PLCL1: variants seen among roughly 807,000 people sequenced by gnomAD.
The protein encoded by PLCL1 is inactive phospholipase C-like protein 1.
In PLCL1, 41 loss-of-function variants were observed where a neutral mutation model predicts 84.4. The observed-to-expected ratio is 0.49, with a 90% confidence interval of 0.38 to 0.63. The LOEUF (loss-of-function observed/expected upper bound fraction) is 0.63, where lower values mean the gene tolerates loss of function less well. Among genes scored for constraint, PLCL1 ranks in the 30% least tolerant of loss-of-function variants. The pLI, the probability that PLCL1 is intolerant of heterozygous loss-of-function variation, is 0.00. For missense variants in PLCL1, 1,206 were observed against 1,367.8 expected (o/e 0.88, Z 1.87); for synonymous variants, 490 against 488.3 (o/e 1.00, Z -0.05).
chr2:197,861,076 C>G (rs1404072627), intron 1 of PLCL1, among the ~76,000 whole-genome samples: 1 of 152,140 alleles, frequency 6.6e-6, no homozygotes, highest in Non-Finnish European at 1.5e-5. Context: ...TGATAAGCGT[C>G]TCTTTGTTTG....
chr2:198,068,121 T>C (rs1021933785), intron 1 of PLCL1, among the ~76,000 whole-genome samples: 2 of 152,206 alleles, frequency 1.3e-5, no homozygotes, highest in Non-Finnish European at 2.9e-5. Context: ...AGAGATTAAT[T>C]AGAGCTCAGT....
At chr2:198,117,003 G>T (rs956782566) in intron 5 of PLCL1, among the ~76,000 whole-genome samples, 2 of 151,748 alleles carry the variant, frequency 1.3e-5, no homozygotes, top group African/African-American at 2.4e-5. Flanking sequence ...TCTCTCAGAG[G>T]GATTCCTTAA....
chr2:198,080,496 C>T (rs1018639833), intron 1 of PLCL1, among the ~76,000 whole-genome samples: 1 of 152,092 alleles, frequency 6.6e-6, no homozygotes, highest in Admixed American at 6.6e-5. Context: ...GAGTCGTCCA[C>T]CCTTCAGTCC....
At chr2:197,857,968 C>G (rs529192317) in intron 1 of PLCL1, among the ~76,000 whole-genome samples, 1 of 152,144 alleles carries the variant, frequency 6.6e-6, no homozygotes, top group East Asian at 1.9e-4. Context: ...TTCATCTAAT[C>G]AGAGAAATGG....
chr2:198,006,515 C>T (rs933709842), intron 1 of PLCL1, among the ~76,000 whole-genome samples: 4 of 152,136 alleles, frequency 2.6e-5, no homozygotes, highest in African/African-American at 7.2e-5. Flanking sequence ...TGCCTCATTT[C>T]CCCCATGTTT....
Position 198,084,860 on chromosome 2 carries a change from A to G in PLCL1, c.1343A>G (p.Asp448Gly). ...GCRSVELDVS[D>G]GSDNEPILCN... ...CGAAGCGTTGAACTCGATGTAAGTG[A>G]TGGTTCAGATAATGAACCAATCCTT... Residue 448 changes from aspartate to glycine, a missense_variant, in exon 2 of 6, where the codon GAT becomes GGT. Coordinates refer to ENST00000428675, the MANE Select transcript of PLCL1 (RefSeq NM_006226.4). The G allele has an allele frequency of 6.2e-7, 1 of 1,614,034 alleles. No homozygotes were observed. Among genetic ancestry groups the G allele is most frequent in the East Asian group, 2.2e-5 (1 of 44,884 alleles).
chr2:197,833,954 G>C (rs965960405), intron 1 of PLCL1, among the ~76,000 whole-genome samples: 1 of 152,124 alleles, frequency 6.6e-6, no homozygotes, highest in Non-Finnish European at 1.5e-5. Context: ...CATGGTACTG[G>C]TACCAAAACA....
Position 198,124,049 on chromosome 2 carries a change from G to A in PLCL1, c.3105+20113G>A, listed in dbSNP as rs528390749. Among the ~76,000 whole-genome samples the A allele has an allele frequency of 5.3e-5, 8 of 152,196 alleles. No homozygotes were observed. The East Asian group carries it at 1.2e-3, about 22-fold the overall frequency. On this transcript the variant is annotated intron_variant, in intron 5 of 5. Transcript: ENST00000428675. ...AGGGACCTAGGAGGAGAAAGCTAAC[G>A]TTTGAGTTTCCTAGTGCAAAACTCA...
intron 5 of PLCL1, among the ~76,000 whole-genome samples, chr2:198,108,320 T>A (rs1488730702): frequency 6.6e-6 from 1 of 152,008 alleles, no homozygotes; most frequent in African/African-American, 2.4e-5. Context: ...ATACATGATT[T>A]AGACTAGTAT....
In PLCL1 at chr2:197,894,251, G is replaced by A. The variant is rs1443969686; in HGVS notation, c.240+88912G>A. The stretch of plus-strand genomic sequence containing the variant: ...AAGTAGAGGCAGGCAAGGGAGACAG[G>A]TGGTTGACAATAGGTGTTGAGTGAG... On this transcript the variant is annotated intron_variant, in intron 1 of 5. Coordinates refer to ENST00000428675, the MANE Select transcript of PLCL1 (RefSeq NM_006226.4). 1.3e-5 allele frequency among the ~76,000 whole-genome samples: 2 copies of A among 151,960 alleles called. 1 individual carries two copies. The highest frequency in any genetic ancestry group is 2.9e-5 in the Non-Finnish European group (2 of 67,960).
At chr2:198,051,175 A>C (rs1283943326) in intron 1 of PLCL1, among the ~76,000 whole-genome samples, 2 of 152,324 alleles carry the variant, frequency 1.3e-5, no homozygotes, top group South Asian at 4.1e-4. Context: ...TGAAAAATGG[A>C]TAACAAGAGG....
intron 1 of PLCL1, among the ~76,000 whole-genome samples, chr2:198,069,340 A>T (rs1692409584): frequency 1.3e-5 from 2 of 151,962 alleles, no homozygotes; most frequent in South Asian, 4.2e-4. Context: ...AGATAAAGAA[A>T]CAGCCTGGAG....
chr2:198,084,735 C>G lies in PLCL1; in HGVS notation c.1218C>G (p.His406Gln). Residue 406 changes from histidine (H) to glutamine (Q), a missense_variant, in exon 2 of 6, where the codon CAC (histidine) becomes CAG (glutamine). His to Gln is a conservative substitution (Grantham distance 24). Coordinates refer to ENST00000428675, the MANE Select transcript of PLCL1 (RefSeq NM_006226.4). ...AAGATATGACCCAGCCATTATCTCA[C>G]TACTATATCAATGCCTCTCATAACA... ...VAQDMTQPLS[H>Q]YYINASHNTY... The G allele has an allele frequency of 1.2e-6, 2 of 1,614,076 alleles. No individual in the cohort carries two copies. The highest frequency in any genetic ancestry group is 4.5e-5 in the East Asian group (2 of 44,878).
intron 1 of PLCL1, among the ~76,000 whole-genome samples, chr2:198,056,447 T>A (rs1393112421): frequency 6.6e-6 from 1 of 152,216 alleles, no homozygotes; most frequent in Admixed American, 6.5e-5. Flanking sequence ...AGACCTAGGA[T>A]TACATTTAAG....
chr2:197,818,354 C>T (rs979469175), intron 1 of PLCL1, among the ~76,000 whole-genome samples: 6 of 152,172 alleles, frequency 3.9e-5, no homozygotes, highest in Non-Finnish European at 7.4e-5. Flanking sequence ...ATTTCTTTTG[C>T]CCAAACCCTT....
chr2:197,864,097 A>G (rs148674533), intron 1 of PLCL1, among the ~76,000 whole-genome samples: 97 of 152,320 alleles, frequency 6.4e-4, no homozygotes, highest in African/African-American at 2.2e-3. Context: ...AGACTAAAAT[A>G]GATCATGCCA....
At chr2:198,134,597 T>G (rs1277842844) in intron 5 of PLCL1, among the ~76,000 whole-genome samples, 1 of 152,152 alleles carries the variant, frequency 6.6e-6, no homozygotes, top group African/African-American at 2.4e-5. Flanking sequence ...CATGCCATGA[T>G]TCACTCTCAA....
intron 1 of PLCL1, among the ~76,000 whole-genome samples, chr2:198,004,977 A>G (rs1226068100): frequency 6.6e-6 from 1 of 152,260 alleles, no homozygotes; most frequent in African/African-American, 2.4e-5. Flanking sequence ...AGAACATGAA[A>G]GGAAATCATG....
At chr2:197,942,171 G>T (rs935932065) in intron 1 of PLCL1, among the ~76,000 whole-genome samples, 1 of 152,106 alleles carries the variant, frequency 6.6e-6, no homozygotes, top group African/African-American at 2.4e-5. Flanking sequence ...GATAGTCATT[G>T]TCTTTCTTTG....
Sources: allele counts gnomAD v4.1 joint callset (sites outside exome capture counted in the v4.1 genomes callset), GRCh38; gene constraint gnomAD v4.1.1; transcripts MANE v1.5; gene names NCBI Gene and HGNC (gene_info 2026-07-23, HGNC 2026-07-21).